DDX60L: variants seen among roughly 807,000 people sequenced by gnomAD.
DDX60L encodes DExD/H-box 60 like.
In DDX60L, 191 loss-of-function variants were observed where a neutral mutation model predicts 211.6. The ratio of observed to expected loss-of-function variants is 0.90; its 90% CI spans 0.80 to 1.02. DDX60L has a LOEUF of 1.02. Among genes scored for constraint, DDX60L ranks in the 50% least tolerant of loss-of-function variants. DDX60L has a pLI of 0.00. For missense variants in DDX60L, 2,007 were observed against 1,984.1 expected (o/e 1.01, Z -0.22); for synonymous variants, 706 against 694.1 (o/e 1.02, Z -0.27).
At chr4:168,428,518 G>A (rs1466397574) in intron 13 of DDX60L, among the ~76,000 whole-genome samples, 1 of 152,098 alleles carries the variant, frequency 6.6e-6, no homozygotes, top group African/African-American at 2.4e-5. Flanking sequence ...TTTCCTTGTG[G>A]GGCTTTTATG....
chr4:168,400,802 G>C (rs776948417), intron 26 of DDX60L, 24 bp downstream of exon 26: 4 of 1,578,872 alleles, frequency 2.5e-6, no homozygotes, highest in Non-Finnish European at 3.4e-6. Flanking sequence ...GGGCCAATTT[G>C]TTTAAGTAAA....
At chr4:168,457,054 TA>T (rs1756662446) in intron 6 of DDX60L, among the ~76,000 whole-genome samples, 1 of 151,374 alleles carries the variant, frequency 6.6e-6, no homozygotes, top group Non-Finnish European at 1.5e-5. Flanking sequence ...CTATATAAAA[TA>T]AAAATTAAAA....
chr4:168,390,101 C>A, intron 29 of DDX60L: 1 of 981,366 alleles, frequency 1.0e-6, no homozygotes, highest in Non-Finnish European at 1.2e-6. Flanking sequence ...AAAATCCATT[C>A]ACAGAGAAAG....
Position 168,357,988 on chromosome 4 carries a change from A to T in DDX60L, c.*159T>A. On this transcript the variant is annotated 3_prime_UTR_variant, in exon 38 of 38. Transcript: ENST00000682922. ...AAAGCTCAGATATATTACATAACTT[A>T]AAGTCATTCAGTTAGAAAATAGCAG... is the stretch of plus-strand genomic sequence containing the variant. 1.6e-6 allele frequency: 1 copy of T among 635,930 alleles called. No homozygotes were observed. The highest frequency in any genetic ancestry group is 2.6e-6 in the Non-Finnish European group (1 of 381,100). The allele number at this position is 635,930 out of a possible 1,614,324, so 39.4% of individuals were successfully genotyped here.
intron 14 of DDX60L, among the ~76,000 whole-genome samples, chr4:168,425,873 C>T (rs1451609307): frequency 6.6e-6 from 1 of 152,292 alleles, no homozygotes; most frequent in Non-Finnish European, 1.5e-5. Flanking sequence ...AATAAAAGCA[C>T]ACACTACAAG....
chr4:168,404,789 A>C (rs986235983), intron 24 of DDX60L, among the ~76,000 whole-genome samples: 1 of 152,190 alleles, frequency 6.6e-6, no homozygotes, highest in Non-Finnish European at 1.5e-5. Flanking sequence ...AATTAACATT[A>C]AATTCCTTTA....
intron 1 of DDX60L, chr4:168,475,934 A>C (rs1759423333): frequency 7.4e-6 from 1 of 135,404 alleles, no homozygotes; most frequent in African/African-American, 2.8e-5. Flanking sequence ...CTGCTTGCTC[A>C]CTCTCTCTCT....
At chr4:168,468,825 C>G (rs1758359495) in intron 4 of DDX60L, 1 of 152,046 alleles carries the variant, frequency 6.6e-6, no homozygotes, top group Admixed American at 6.6e-5. Context: ...TATATACAAG[C>G]AGCAAAAACT....
chr4:168,401,473 G>C (rs1420363813), intron 25 of DDX60L, among the ~76,000 whole-genome samples: 1 of 152,186 alleles, frequency 6.6e-6, no homozygotes, highest in African/African-American at 2.4e-5. Context: ...TCCCTAAAAT[G>C]TATAAAACCA....
chr4:168,445,183 A>G (rs1371204517), intron 9 of DDX60L, among the ~76,000 whole-genome samples: 3 of 136,604 alleles, frequency 2.2e-5, no homozygotes, highest in Non-Finnish European at 3.2e-5. Context: ...GCAATAAAAA[A>G]TGATAAAGGG....
rs765227011 is a variant in DDX60L at position 168,427,190 on chromosome 4, C to T, written c.1810G>A (p.Gly604Arg). ...AAATAATCTTCCAATTTCCTTATTC[C>T]AGAATGTAAATTGTTCTTCATCTCC... ...EEEMKNNLHS[G>R]IRKLEDYLTS... The change falls in exon 14 of 38, where the codon GGA becomes AGA. Residue 604 changes from glycine to arginine, a missense_variant. By Grantham distance (125) the Gly-to-Arg change is moderately radical. Transcript: ENST00000682922. 6.2e-7 allele frequency: 1 copy of T among 1,612,858 alleles called. No homozygotes were observed. The highest frequency in any genetic ancestry group is 1.1e-5 in the South Asian group (1 of 90,948).
chr4:168,361,255 A>G, intron 36 of DDX60L, 44 bp from the exon 37 acceptor site: 2 of 1,328,082 alleles, frequency 1.5e-6, no homozygotes, highest in Non-Finnish European at 2.1e-6. Flanking sequence ...TAAAAACATA[A>G]ACATAAAAGA....
chr4:168,475,650 T>TAA (rs5863936), intron 1 of DDX60L, among the ~76,000 whole-genome samples: 27 of 147,764 alleles, frequency 1.8e-4, no homozygotes, highest in Admixed American at 2.0e-4. Flanking sequence ...TTATCATTTA[T>TAA]AAAAAAAAAA....
chr4:168,448,544 A>T, intron 9 of DDX60L, 94 bp downstream of exon 9: 2 of 968,410 alleles, frequency 2.1e-6, no homozygotes, highest in South Asian at 3.3e-5. Context: ...GGTTTTCAAG[A>T]AACAAAAATG....
intron 30 of DDX60L, among the ~76,000 whole-genome samples, chr4:168,383,727 A>C (rs984422207): frequency 1.3e-5 from 2 of 152,166 alleles, no homozygotes; most frequent in African/African-American, 2.4e-5. Context: ...ATTAAAGGGC[A>C]CTCACATTCC....
In DDX60L at chr4:168,405,964, C is replaced by T. The variant is rs1230829275; in HGVS notation, c.3199G>A (p.Gly1067Ser). The change falls in exon 24 of 38, where the codon GGC (glycine) becomes AGC (serine). Residue 1067 changes from glycine (G) to serine (S), a missense_variant. By Grantham distance (56) the Gly-to-Ser change is moderately conservative. Coordinates refer to ENST00000682922, the MANE Select transcript of DDX60L (RefSeq NM_001012967.3). ...GTGAAAATTACCTTCTTCACTTGGC[C>T]ATTTTTAATCCAATTTGTCAATTCT... Reference protein sequence around the residue: ...KAELTNWIKNGQVKKVKRVLK... With the variant: ...KAELTNWIKNSQVKKVKRVLK... The T allele has an allele frequency of 6.4e-6, 10 of 1,573,434 alleles. No individual in the cohort carries two copies. Among genetic ancestry groups the T allele is most frequent in the Middle Eastern group, 1.7e-4 (1 of 5,982 alleles).
In DDX60L at chr4:168,406,620, T is replaced by C. The variant is rs1056159462; in HGVS notation, c.3066A>G (p.Glu1022=). ...TATTTACCTGAGCCCTGGGCCAAGT[T>C]TCCCAGACTTGAGCCATGGTATCAT... ...QLYDTMAQVW[E]TWPRAQELCP... is the part of the protein sequence containing the mutation. Residue 1022 remains glutamate, a synonymous_variant, in exon 23 of 38, where the codon GAA becomes GAG. Coordinates refer to ENST00000682922, the MANE Select transcript of DDX60L (RefSeq NM_001012967.3). 2 of 1,599,348 alleles carry C rather than the reference T, an allele frequency of 1.3e-6. No individual in the cohort carries two copies. The highest frequency in any genetic ancestry group is 2.7e-5 in the African/African-American group (2 of 74,706).
intron 4 of DDX60L, chr4:168,471,476 C>A: frequency 3.9e-6 from 1 of 256,446 alleles, no homozygotes; most frequent in Non-Finnish European, 7.2e-6. Context: ...TAGAGTAAAC[C>A]TACCCAATAT....
At chr4:168,456,618 G>T (rs4692936) in intron 6 of DDX60L, among the ~76,000 whole-genome samples, 44,172 of 152,002 alleles carry the variant, frequency 0.29, 8,083 homozygotes, top group East Asian at 0.62. Flanking sequence ...GTACAGGTAG[G>T]TATAGAATTT....
Sources: gnomAD v4.1 joint callset for allele counts (sites outside exome capture counted in the v4.1 genomes callset) on GRCh38, gnomAD v4.1.1 for gene constraint, MANE v1.5 for transcripts, NCBI Gene and HGNC (gene_info 2026-07-23, HGNC 2026-07-21) for gene names.